MAK: variants seen among roughly 807,000 people sequenced by gnomAD.
The protein encoded by MAK is male germ cell associated kinase, also known as serine/threonine-protein kinase MAK.
MAK carries 65 observed loss-of-function variants against 82.6 expected under a neutral mutation model. The observed-to-expected ratio is 0.79, with a 90% CI of 0.64 to 0.97. The LOEUF (loss-of-function observed/expected upper bound fraction) is 0.97. MAK is among the 50% of genes least tolerant of loss of function. MAK has a pLI of 0.00. For missense variants in MAK, 703 were observed against 780.2 expected (o/e 0.90, Z 1.18); for synonymous variants, 250 against 274.2 (o/e 0.91, Z 0.87).
At chr6:10,832,228 G>A (rs1261914562) in intron 1 of MAK, among the ~76,000 whole-genome samples, 4 of 152,236 alleles carry the variant, frequency 2.6e-5, no homozygotes, top group African/African-American at 4.8e-5. Context: ...TCAGCGATCC[G>A]CCCGCCTCGG....
chr6:10,828,370 G>C (rs1255650117), intron 2 of MAK, among the ~76,000 whole-genome samples: 2 of 152,154 alleles, frequency 1.3e-5, no homozygotes, highest in African/African-American at 2.4e-5. Context: ...TCTGTAAAAG[G>C]GAATTGAGGT....
intron 11 of MAK, among the ~76,000 whole-genome samples, chr6:10,779,858 T>C (rs1157132328): frequency 6.6e-6 from 1 of 152,156 alleles, no homozygotes; most frequent in Non-Finnish European, 1.5e-5. Context: ...CTAATTTTTT[T>C]GTATTTTTAG....
chr6:10,791,611 T>G, intron 10 of MAK, 64 bp downstream of exon 10: 1 of 1,463,764 alleles, frequency 6.8e-7, no homozygotes, highest in Non-Finnish European at 9.5e-7. Context: ...TGCATTTATA[T>G]TTAATGAGTA....
At chr6:10,797,086 T>C (rs1775628769) in intron 8 of MAK, among the ~76,000 whole-genome samples, 1 of 152,104 alleles carries the variant, frequency 6.6e-6, no homozygotes, top group South Asian at 2.1e-4. Flanking sequence ...AATTCCGGGT[T>C]ACTCTCAGCC....
At chr6:10,799,904 C>T (rs950205237) in intron 8 of MAK, among the ~76,000 whole-genome samples, 5 of 152,080 alleles carry the variant, frequency 3.3e-5, no homozygotes, top group African/African-American at 1.2e-4. Context: ...AAAAATTAGC[C>T]AGGTGTGGTG....
At chr6:10,775,203 T>A in intron 12 of MAK, 125 bp downstream of exon 12, 2 of 1,136,964 alleles carry the variant, frequency 1.8e-6, no homozygotes, top group East Asian at 5.3e-5. Flanking sequence ...CAGAGTGTAG[T>A]GGAAAACCTT....
intron 6 of MAK, among the ~76,000 whole-genome samples, chr6:10,806,334 T>TTTTTTTGTTTTTTG (rs140829641): frequency 6.7e-6 from 1 of 148,322 alleles, no homozygotes; most frequent in South Asian, 2.2e-4. Flanking sequence ...CCTGGCTAAT[T>TTTTTTTGTTTTTTG]TTTTTTGTTT....
intron 11 of MAK, chr6:10,779,217 C>T (rs1308197157): frequency 2.7e-5 from 12 of 447,320 alleles, no homozygotes; most frequent in Admixed American, 6.4e-5. Flanking sequence ...CCCAGAGTCC[C>T]GGCTCTAGGA....
intron 1 of MAK, among the ~76,000 whole-genome samples, chr6:10,832,654 A>G (rs970489768): frequency 6.6e-6 from 1 of 151,962 alleles, no homozygotes; most frequent in Admixed American, 6.6e-5. Context: ...GCAAGCTACT[A>G]CACCCAGCTA....
intron 7 of MAK, among the ~76,000 whole-genome samples, chr6:10,802,745 T>C (rs906757306): frequency 1.3e-5 from 2 of 152,204 alleles, no homozygotes. Context: ...TTGTCGTGTA[T>C]ATTACCCATT....
intron 7 of MAK, chr6:10,802,367 G>T: frequency 3.3e-6 from 1 of 303,314 alleles, no homozygotes. Flanking sequence ...GTGCAGTGGA[G>T]CAATCATGGC....
intron 2 of MAK, among the ~76,000 whole-genome samples, chr6:10,824,824 A>G (rs1193154361): frequency 6.6e-6 from 1 of 152,090 alleles, no homozygotes; most frequent in Non-Finnish European, 1.5e-5. Flanking sequence ...TCTGGCTTCC[A>G]CTATTCCACT....
At chr6:10,796,539 CT>C (rs1198936179) in intron 8 of MAK, among the ~76,000 whole-genome samples, 1 of 152,136 alleles carries the variant, frequency 6.6e-6, no homozygotes, top group Admixed American at 6.5e-5. Flanking sequence ...GGCATGGTGG[CT>C]CACGCCTATA....
intron 6 of MAK, among the ~76,000 whole-genome samples, chr6:10,806,757 T>A (rs1416780128): frequency 6.6e-6 from 1 of 152,022 alleles, no homozygotes; most frequent in Non-Finnish European, 1.5e-5. Flanking sequence ...CCTCCCACAG[T>A]GCTGGGATTC....
At chr6:10,825,702 T>A (rs887717098) in intron 2 of MAK, among the ~76,000 whole-genome samples, 1 of 152,046 alleles carries the variant, frequency 6.6e-6, no homozygotes, top group African/African-American at 2.4e-5. Flanking sequence ...TAAGCCAGAA[T>A]CCCAGGAGTT....
Position 10,808,794 on chromosome 6 carries a change from C to A in MAK, c.491+16G>T. 1 of 1,613,468 alleles carries A rather than the reference C, an allele frequency of 6.2e-7. No homozygotes were observed. Among genetic ancestry groups the A allele is most frequent in the Non-Finnish European group, 8.5e-7 (1 of 1,179,522 alleles). Reference sequence around the variant, plus strand: ...ATAGGCTTATGCCTCAGGAGGGCTGCATAACCCCTACTCACCATCTGGTAG... The same window carrying A: ...ATAGGCTTATGCCTCAGGAGGGCTGAATAACCCCTACTCACCATCTGGTAG... On this transcript the variant is annotated intron_variant, in intron 6 of 14. Transcript: ENST00000354489.
At position 10,775,457 on chromosome 6, in the gene MAK, C is replaced by T. The variant is rs776804120; in HGVS notation, c.1468G>A (p.Val490Met). 41 of 1,612,898 alleles carry T rather than the reference C, an allele frequency of 2.5e-5. No homozygotes were observed. The highest frequency in any genetic ancestry group is 3.4e-5 in the Non-Finnish European group (40 of 1,179,260). ...ATCAAGGACACCTTCTTGGGATTCA[C>T]ACCTGAGAAGAACAAAACAACCACT... ...YLKQSRYLPG[V>M]NPKKVSLIAS... Residue 490 changes from valine (V) to methionine (M), a missense_variant and splice_region_variant, in exon 12 of 15, where the codon GTG becomes ATG. Transcript: ENST00000354489.
At position 10,802,206 on chromosome 6, in the gene MAK, G is replaced by A. The variant is rs1293437654; in HGVS notation, c.664-147C>T. On this transcript the variant is annotated intron_variant, in intron 7 of 14. Coordinates refer to ENST00000354489, the MANE Select transcript of MAK (RefSeq NM_001242957.3). ...ATATAAACATGAAAATGAAATACCA[G>A]ACCACGTCTATAATTTAGTGCTACG... 9.5e-6 allele frequency: 6 copies of A among 631,302 alleles called. No homozygotes were observed. The African/African-American group carries it at 1.1e-4, about 12-fold the overall frequency. 39.1% of individuals were successfully genotyped at this position (631,302 alleles called of 1,614,324 possible). A position where few individuals can be genotyped will look rare whatever the true frequency, so the allele number is the denominator to read the frequency against.
chr6:10,821,807 C>T (rs1016003853), intron 2 of MAK, among the ~76,000 whole-genome samples: 1 of 151,328 alleles, frequency 6.6e-6, no homozygotes, highest in African/African-American at 2.4e-5. Flanking sequence ...TGAATAGCCA[C>T]TGCACTCCAG....
Sources: allele counts gnomAD v4.1 joint callset (sites outside exome capture counted in the v4.1 genomes callset), GRCh38; gene constraint gnomAD v4.1.1; transcripts MANE v1.5; gene names NCBI Gene and HGNC (gene_info 2026-07-23, HGNC 2026-07-21).